The following DENND4C variants were observed in gnomAD, a reference collection of about 807,000 sequenced individuals.
DENND4C encodes DENN domain containing 4C.
In DENND4C, 108 loss-of-function variants were observed where a neutral mutation model predicts 203.0. The observed-to-expected ratio is 0.53, with a 90% CI of 0.46 to 0.62. The LOEUF (loss-of-function observed/expected upper bound fraction) is 0.62, where lower values mean the gene tolerates loss of function less well. Among genes scored for constraint, DENND4C ranks in the 20% least tolerant of loss-of-function variants. The pLI is 0.00. For synonymous variants in DENND4C, 871 were observed against 792.4 expected, an observed-to-expected ratio of 1.10 and a Z score of -1.67; for missense variants, 2,481 against 2,301.2, an observed-to-expected ratio of 1.08 and a Z score of -1.60.
At chr9:19,236,149 G>C (rs537210406) in intron 1 of DENND4C, among the ~76,000 whole-genome samples, 43 of 151,908 alleles carry the variant, frequency 2.8e-4, no homozygotes, top group African/African-American at 8.2e-4. Flanking sequence ...TATGGAAAGA[G>C]GATCTATTAA....
intron 21 of DENND4C, among the ~76,000 whole-genome samples, chr9:19,342,078 T>C (rs1821777754): frequency 1.3e-5 from 2 of 148,712 alleles, no homozygotes; most frequent in South Asian, 4.2e-4. Context: ...CAGCCAATAT[T>C]GTGCCATTGC....
At chr9:19,327,389 A>T (rs908191957) in intron 15 of DENND4C, among the ~76,000 whole-genome samples, 21 of 152,064 alleles carry the variant, frequency 1.4e-4, no homozygotes, top group Non-Finnish European at 5.9e-5. Flanking sequence ...GTTAGAATGT[A>T]TGTTTAAGTA....
At position 19,276,264 on chromosome 9, in the gene DENND4C, T is replaced by G. The variant is rs1832888389; in HGVS notation, c.90T>G (p.Asn30Lys). ...CTACTCTTTTGGATCAAGAAATAAATCGTTTAGATACTAAGTCAACTGGAC... is the reference window on the plus strand; with the variant it reads ...CTACTCTTTTGGATCAAGAAATAAAGCGTTTAGATACTAAGTCAACTGGAC... ...DTSTLLDQEINRLDTKSTGPK... is the reference protein window; with the variant it reads ...DTSTLLDQEIKRLDTKSTGPK... Residue 30 changes from asparagine (N) to lysine (K), a missense_variant, in exon 2 of 33, where the codon AAT (asparagine) becomes AAG (lysine). By Grantham distance (94) the Asn-to-Lys change is moderately conservative. Coordinates refer to ENST00000434457, the MANE Select transcript of DENND4C (RefSeq NM_001330640.2). The G allele has an allele frequency of 8.1e-7, 1 of 1,231,930 alleles. No homozygotes were observed. Among genetic ancestry groups the G allele is most frequent in the Non-Finnish European group, 1.0e-6 (1 of 987,896 alleles). 76.3% of individuals were successfully genotyped at this position (1,231,930 alleles called of 1,614,324 possible). A position where few individuals can be genotyped will look rare whatever the true frequency, so the allele number is the denominator to read the frequency against.
intron 26 of DENND4C, among the ~76,000 whole-genome samples, chr9:19,355,528 C>T (rs1007627711): frequency 6.6e-6 from 1 of 152,192 alleles, no homozygotes. Flanking sequence ...CCAATATTAT[C>T]CACTAAATAA....
chr9:19,334,901 G>A, intron 17 of DENND4C, 76 bp from the exon 18 acceptor site: 1 of 1,343,548 alleles, frequency 7.4e-7, no homozygotes, highest in Admixed American at 2.5e-5. Flanking sequence ...TTCATGGAAA[G>A]AATTCAGTAA....
intron 12 of DENND4C, among the ~76,000 whole-genome samples, chr9:19,317,262 C>T (rs986228179): frequency 1.3e-5 from 2 of 150,574 alleles, no homozygotes; most frequent in African/African-American, 4.9e-5. Flanking sequence ...CTCAAGTGAT[C>T]CTCCTCCCTG....
chr9:19,342,124 C>CAAAAAA (rs34191941), intron 21 of DENND4C, among the ~76,000 whole-genome samples: 3 of 61,850 alleles, frequency 4.9e-5, no homozygotes, highest in Admixed American at 1.8e-4. Context: ...GACTCCATCT[C>CAAAAAA]AAAAAAAAAA....
intron 17 of DENND4C, 106 bp from the exon 18 acceptor site, chr9:19,334,871 A>G: frequency 8.5e-7 from 1 of 1,172,696 alleles, no homozygotes; most frequent in South Asian, 1.8e-5. Flanking sequence ...AGAACAAAGG[A>G]GAAAATACTG....
intron 28 of DENND4C, among the ~76,000 whole-genome samples, chr9:19,359,026 T>G (rs1327856311): frequency 2.0e-5 from 3 of 151,882 alleles, no homozygotes; most frequent in Non-Finnish European, 4.4e-5. Context: ...CATTTCTTCC[T>G]TATAATAAGG....
chr9:19,285,737 G>A (rs1329522407), intron 2 of DENND4C, among the ~76,000 whole-genome samples: 1 of 151,990 alleles, frequency 6.6e-6, no homozygotes, highest in African/African-American at 2.4e-5. Flanking sequence ...TTTTTGATGA[G>A]TAGTATAAGG....
chr9:19,348,903 G>A (rs76971628), intron 23 of DENND4C, among the ~76,000 whole-genome samples: 1,727 of 152,156 alleles, frequency 0.011, 30 homozygotes, highest in African/African-American at 0.037. Context: ...TGACCCCCTG[G>A]GCTCAAGCAA....
chr9:19,297,251 A>T (rs536802035), intron 6 of DENND4C, among the ~76,000 whole-genome samples: 2 of 152,302 alleles, frequency 1.3e-5, no homozygotes, highest in African/African-American at 4.8e-5. Context: ...AGTTTAGTGG[A>T]TAAGGTAGGG....
chr9:19,296,697 G>A (rs567749094), intron 6 of DENND4C, among the ~76,000 whole-genome samples: 1 of 152,230 alleles, frequency 6.6e-6, no homozygotes, highest in Non-Finnish European at 1.5e-5. Flanking sequence ...GCTTAAAATT[G>A]GATAGTAGTG....
At chr9:19,329,643 G>A (rs1199907916) in intron 16 of DENND4C, among the ~76,000 whole-genome samples, 1 of 152,154 alleles carries the variant, frequency 6.6e-6, no homozygotes, top group Non-Finnish European at 1.5e-5. Flanking sequence ...CAAAGTGGCT[G>A]CTCCACTTTA....
chr9:19,234,597 C>T (rs1399712994), intron 1 of DENND4C, among the ~76,000 whole-genome samples: 6 of 143,432 alleles, frequency 4.2e-5, no homozygotes, highest in African/African-American at 1.6e-4. Context: ...CAGTGCATCT[C>T]AGCTCACTGC....
At chr9:19,301,338 G>T (rs1158943464) in intron 9 of DENND4C, among the ~76,000 whole-genome samples, 1 of 152,268 alleles carries the variant, frequency 6.6e-6, no homozygotes. Context: ...TTTTAAGAAT[G>T]TAAGTCTCCT....
intron 10 of DENND4C, among the ~76,000 whole-genome samples, chr9:19,315,537 G>A (rs1233750225): frequency 2.7e-5 from 4 of 150,232 alleles, no homozygotes; most frequent in East Asian, 3.9e-4. Flanking sequence ...ATATGTATGT[G>A]TATATATATA....
At chr9:19,271,821 A>G (rs1201963741) in intron 1 of DENND4C, among the ~76,000 whole-genome samples, 4 of 150,670 alleles carry the variant, frequency 2.7e-5, no homozygotes, top group Admixed American at 6.6e-5. Flanking sequence ...TTGAGTTGAG[A>G]TCGCGCCATT....
intron 31 of DENND4C, 183 bp downstream of exon 31, chr9:19,370,170 T>C: frequency 2.7e-6 from 2 of 738,300 alleles, no homozygotes; most frequent in Non-Finnish European, 4.3e-6. Flanking sequence ...AATAAAAGTG[T>C]CTGGGGGCTT....
Sources: gnomAD v4.1 joint callset for allele counts (sites outside exome capture counted in the v4.1 genomes callset) on GRCh38, gnomAD v4.1.1 for gene constraint, MANE v1.5 for transcripts, NCBI Gene and HGNC (gene_info 2026-07-23, HGNC 2026-07-21) for gene names.